The following SCN9A variants were observed in gnomAD, a reference collection of about 807,000 sequenced individuals.
The protein encoded by SCN9A is sodium voltage-gated channel alpha subunit 9.
A neutral mutation model predicts 187.0 loss-of-function variants in SCN9A; 131 were observed. The observed-to-expected ratio is 0.70, with a 90% CI of 0.61 to 0.81. The LOEUF (loss-of-function observed/expected upper bound fraction) is 0.81, where lower values mean the gene tolerates loss of function less well. Among genes scored for constraint, SCN9A ranks in the 30% least tolerant of loss-of-function variants. The probability of loss-of-function intolerance (pLI) is 0.00; values close to 1 mark genes in which losing one functional copy is unlikely to be tolerated. For missense variants in SCN9A, 2,252 were observed against 2,396.6 expected, an observed-to-expected ratio of 0.94 and a Z score of 1.26; for synonymous variants, 809 against 808.6, an observed-to-expected ratio of 1.00 and a Z score of -0.01.
intron 17 of SCN9A, among the ~76,000 whole-genome samples, chr2:166,254,272 C>G (rs1350949963): frequency 6.6e-6 from 1 of 151,272 alleles, no homozygotes; most frequent in Non-Finnish European, 1.5e-5. Context: ...CTAATAGATT[C>G]TTAGACATTC....
At chr2:166,230,281 A>G (rs1286249782) in intron 21 of SCN9A, among the ~76,000 whole-genome samples, 1 of 152,144 alleles carries the variant, frequency 6.6e-6, no homozygotes, top group African/African-American at 2.4e-5. Flanking sequence ...GGGGCATGAA[A>G]TTATATAACA....
chr2:166,352,073 A>C (rs931941324), intron 1 of SCN9A, among the ~76,000 whole-genome samples: 9 of 152,186 alleles, frequency 5.9e-5, no homozygotes, highest in African/African-American at 2.2e-4. Flanking sequence ...AGTACTTGAC[A>C]TCTCAAAAAA....
At chr2:166,342,560 T>TA (rs962866918) in intron 1 of SCN9A, among the ~76,000 whole-genome samples, 1 of 152,106 alleles carries the variant, frequency 6.6e-6, no homozygotes, top group African/African-American at 2.4e-5. Context: ...ACGTTTAGAA[T>TA]AGAGTCTCCA....
At chr2:166,269,642 G>C (rs1377203299) in intron 17 of SCN9A, among the ~76,000 whole-genome samples, 1 of 152,024 alleles carries the variant, frequency 6.6e-6, no homozygotes, top group African/African-American at 2.4e-5. Context: ...AGAAAATGAA[G>C]TGCTAAATGG....
chr2:166,215,893 C>T (rs1393030055), intron 24 of SCN9A, among the ~76,000 whole-genome samples: 2 of 151,496 alleles, frequency 1.3e-5, no homozygotes, highest in Non-Finnish European at 2.9e-5. Context: ...TTTATGAGGC[C>T]AGTATTATAC....
chr2:166,226,046 A>G (rs1231850326), intron 24 of SCN9A, among the ~76,000 whole-genome samples: 1 of 152,144 alleles, frequency 6.6e-6, no homozygotes, highest in East Asian at 1.9e-4. Context: ...AAGATTAATT[A>G]ATTAAAAATT....
At chr2:166,230,707 T>C (rs74531949) in intron 21 of SCN9A, among the ~76,000 whole-genome samples, 3,153 of 152,288 alleles carry the variant, frequency 0.021, 119 homozygotes, top group African/African-American at 0.073. Context: ...CCCTTGTCTG[T>C]CTCTCTTGTA....
intron 1 of SCN9A, among the ~76,000 whole-genome samples, chr2:166,315,985 T>C (rs1699097902): frequency 6.6e-6 from 1 of 152,194 alleles, no homozygotes; most frequent in Non-Finnish European, 1.5e-5. Context: ...TGAATACTTA[T>C]TTAATGTGAG....
At chr2:166,313,051 G>T (rs375684756) in intron 1 of SCN9A, among the ~76,000 whole-genome samples, 382 of 22,104 alleles carry the variant, frequency 0.017, 9 homozygotes, top group African/African-American at 0.098. Context: ...GAATAGTAAA[G>T]AATATAATTA....
intron 1 of SCN9A, among the ~76,000 whole-genome samples, chr2:166,329,043 C>T (rs975483893): frequency 2.0e-5 from 3 of 151,958 alleles, no homozygotes; most frequent in African/African-American, 7.2e-5. Context: ...ACAAAAGTAG[C>T]CTTATTTTGA....
intron 21 of SCN9A, among the ~76,000 whole-genome samples, chr2:166,230,769 T>G (rs974906019): frequency 1.1e-4 from 16 of 152,166 alleles, no homozygotes; most frequent in African/African-American, 3.9e-4. Flanking sequence ...ACCACTGTAC[T>G]CTGTGTTTTT....
chr2:166,203,961 T>C lies in SCN9A; in HGVS notation c.4768A>G (p.Ile1590Val). Residue 1590 changes from isoleucine (I) to valine (V), a missense_variant, in exon 26 of 27, where the codon ATT becomes GTT. By Grantham distance (29) the Ile-to-Val change is conservative. Around this residue, in one of 7 missense-constraint regions of SCN9A, gnomAD observed 368 missense variants for 408.6 expected, o/e 0.90. Coordinates refer to ENST00000642356, the MANE Select transcript of SCN9A (RefSeq NM_001365536.1). ...GAAAAATAAATATTCTTACCTACAA[T>C]GGAGATAATCACAACCACAAAATCA... ...IFDFVVVIISIVGMFLADLIE... is the reference protein window; with the variant it reads ...IFDFVVVIISVVGMFLADLIE... 6.4e-7 allele frequency: 1 copy of C among 1,561,832 alleles called. No homozygotes were observed. Among genetic ancestry groups the C allele is most frequent in the Non-Finnish European group, 8.8e-7 (1 of 1,138,260 alleles).
intron 1 of SCN9A, among the ~76,000 whole-genome samples, chr2:166,329,187 AGAAT>A (rs1559044556): frequency 1.3e-5 from 2 of 152,188 alleles, no homozygotes; most frequent in Non-Finnish European, 2.9e-5. Context: ...CACAATTAAC[AGAAT>A]GTAGTTTGGA....
intron 24 of SCN9A, among the ~76,000 whole-genome samples, chr2:166,214,935 A>T (rs1038094707): frequency 6.6e-6 from 1 of 152,100 alleles, no homozygotes; most frequent in African/African-American, 2.4e-5. Flanking sequence ...CTTGAACTAC[A>T]CTTTAATCCA....
rs35433129 is a variant in SCN9A, at chr2:166,354,353, C to CTT, written c.-51+21342_-51+21343dup. ...ATCTGCTTAGGTTTAATTAAAGTAG[C>CTT]TTTTTTTTTCCCCAGCCATAAACAG... On this transcript the variant is annotated intron_variant, in intron 1 of 26. Transcript: ENST00000642356. Among the ~76,000 whole-genome samples, 1,263 of 151,168 alleles carry CTT rather than the reference C, an allele frequency of 8.4e-3. 21 individuals are homozygous for CTT. The highest frequency in any genetic ancestry group is 0.028 in the African/African-American group (1,144 of 41,112).
rs143980174 is a variant in SCN9A at position 166,276,149 on chromosome 2, A to G, written c.2874+834T>C. Among the ~76,000 whole-genome samples the G allele has an allele frequency of 5.2e-3, 792 of 152,190 alleles. 9 individuals are homozygous for G. Among genetic ancestry groups the G allele is most frequent in the African/African-American group, 0.018 (756 of 41,526 alleles). On this transcript the variant is annotated intron_variant, in intron 16 of 26. Transcript: ENST00000642356. Reference sequence around the variant, plus strand: ...AGCTTGAAAGTTTTCACTAATCAGTATAAGGAAGAAAAAAAATAAAAAAAA... The same window carrying G: ...AGCTTGAAAGTTTTCACTAATCAGTGTAAGGAAGAAAAAAAATAAAAAAAA...
intron 24 of SCN9A, among the ~76,000 whole-genome samples, chr2:166,216,322 C>G (rs988419249): frequency 1.3e-5 from 2 of 152,000 alleles, no homozygotes; most frequent in Non-Finnish European, 2.9e-5. Flanking sequence ...AGATCAGGAA[C>G]AAGACAAGGA....
At chr2:166,271,347 G>A (rs1045928254) in intron 17 of SCN9A, among the ~76,000 whole-genome samples, 1 of 152,104 alleles carries the variant, frequency 6.6e-6, no homozygotes, top group African/African-American at 2.4e-5. Flanking sequence ...TGCGATTTAA[G>A]TATTAACAAT....
intron 24 of SCN9A, among the ~76,000 whole-genome samples, chr2:166,220,998 T>C (rs1228106973): frequency 2.6e-5 from 4 of 152,186 alleles, no homozygotes; most frequent in Non-Finnish European, 5.9e-5. Context: ...AAAAATCACC[T>C]GCGTTTCTAT....
Sources: gnomAD v4.1 joint callset for allele counts (sites outside exome capture counted in the v4.1 genomes callset) on GRCh38, gnomAD v4.1.1 for gene constraint, gnomAD v4.1.1 regional missense constraint, MANE v1.5 for transcripts, NCBI Gene and HGNC (gene_info 2026-07-23, HGNC 2026-07-21) for gene names.